HEATR5B: variants seen among roughly 807,000 people sequenced by gnomAD.
HEATR5B encodes the protein HEAT repeat-containing protein 5B.
A neutral mutation model predicts 224.1 loss-of-function variants in HEATR5B; 156 were observed. The ratio of observed to expected loss-of-function variants is 0.70; its 90% CI spans 0.61 to 0.80. The LOEUF (loss-of-function observed/expected upper bound fraction) is 0.80, where lower values mean the gene tolerates loss of function less well. HEATR5B is among the 30% of genes least tolerant of loss of function. The pLI is 0.00. For missense variants in HEATR5B, 2,323 were observed against 2,535.5 expected (o/e 0.92, Z 1.80); for synonymous variants, 1,027 against 893.0 (o/e 1.15, Z -2.68).
chr2:37,079,972 T>G (rs1183541845), intron 2 of HEATR5B, among the ~76,000 whole-genome samples: 1 of 152,024 alleles, frequency 6.6e-6, no homozygotes, highest in African/African-American at 2.4e-5. Flanking sequence ...ATAGTATGGG[T>G]GGTTACTGTT....
chr2:36,988,848 T>C lies in HEATR5B; in HGVS notation c.5709A>G (p.Lys1903=), dbSNP rs1666126567. The C allele has an allele frequency of 8.1e-6, 13 of 1,613,932 alleles. No individual in the cohort carries two copies. The highest frequency in any genetic ancestry group is 1.1e-5 in the South Asian group (1 of 91,082). The change falls in exon 35 of 36, where the codon AAA becomes AAG. Residue 1903 remains lysine, a synonymous_variant. Coordinates refer to ENST00000233099, the MANE Select transcript of HEATR5B (RefSeq NM_019024.3). ...AGACTGAGAGGAGAAGCTGGTAACA[T>C]TTGGCTTGAACCTATATAAGAAGAA... The part of the protein sequence containing the change: ...LNSCDPWVQA[K]CYQLLLSVFQ...
intron 8 of HEATR5B, 50 bp from the exon 9 acceptor site, chr2:37,065,960 T>C (rs775378517): frequency 1.3e-6 from 2 of 1,542,642 alleles, no homozygotes; most frequent in Admixed American, 1.8e-5. Flanking sequence ...AATTGTGGTA[T>C]GATTTTTTTG....
chr2:37,075,435 T>A, intron 5 of HEATR5B, 50 bp downstream of exon 5: 1 of 1,445,334 alleles, frequency 6.9e-7, no homozygotes, highest in Non-Finnish European at 9.3e-7. Flanking sequence ...GTTGACTGTT[T>A]AAGAGCAAGA....
rs1237390965 is a variant in HEATR5B, at chr2:37,064,726, G to A, written c.1584+14C>T. On this transcript the variant is annotated intron_variant, in intron 10 of 35. Transcript: ENST00000233099. Reference sequence around the variant, plus strand: ...CACGTGACAGCATTCCCAAGTCTAGGATCTCCGTCATACCTTTCCTTTGGC... The same window carrying A: ...CACGTGACAGCATTCCCAAGTCTAGAATCTCCGTCATACCTTTCCTTTGGC... 1.9e-6 allele frequency: 3 copies of A among 1,612,714 alleles called. No homozygotes were observed. The highest frequency in any genetic ancestry group is 2.2e-5 in the South Asian group (2 of 91,034).
Position 37,023,113 on chromosome 2 carries a change from G to A in HEATR5B, c.3854-2277C>T, listed in dbSNP as rs1668566241. On this transcript the variant is annotated intron_variant, in intron 24 of 35. Coordinates refer to ENST00000233099, the MANE Select transcript of HEATR5B (RefSeq NM_019024.3). ...GCACGAAAATAACTAAGGGAGAAAT[G>A]AAAGGTAGAAAAAAATCACAAAGGG... Among the ~76,000 whole-genome samples, 4 of 140,152 alleles carry A rather than the reference G, an allele frequency of 2.9e-5. No individual in the cohort carries two copies. In the South Asian group the frequency reaches 6.6e-4, roughly 23 times the overall value. 91.9% of individuals were successfully genotyped at this position (140,152 alleles called of 152,430 possible).
intron 22 of HEATR5B, among the ~76,000 whole-genome samples, chr2:37,030,486 T>A (rs1013676762): frequency 3.9e-5 from 6 of 151,972 alleles, no homozygotes; most frequent in Non-Finnish European, 7.4e-5. Context: ...TAAAAGAAAA[T>A]TAATTGGTTA....
At chr2:37,028,227 C>T in intron 23 of HEATR5B, 53 bp from the exon 24 acceptor site, 1 of 1,180,872 alleles carries the variant, frequency 8.5e-7, no homozygotes, top group Non-Finnish European at 1.1e-6. Context: ...AAAAATGATC[C>T]TTTAAAAAGT....
chr2:37,037,187 C>T (rs1202790721), intron 21 of HEATR5B, among the ~76,000 whole-genome samples: 1 of 101,814 alleles, frequency 9.8e-6, no homozygotes, highest in Non-Finnish European at 2.1e-5. Context: ...GCTCTGTCGC[C>T]CAGGCTGGAA....
intron 24 of HEATR5B, 141 bp from the exon 25 acceptor site, chr2:37,020,977 T>G (rs1335331629): frequency 1.7e-6 from 1 of 574,462 alleles, no homozygotes; most frequent in Non-Finnish European, 3.0e-6. Flanking sequence ...AGATATTATA[T>G]TCTTTCAAGA....
In HEATR5B at chr2:37,071,953, G is replaced by C. The variant is rs538688778; in HGVS notation, c.769+157C>G. Among the ~76,000 whole-genome samples, 17 of 152,090 alleles carry C rather than the reference G, an allele frequency of 1.1e-4. No individual in the cohort carries two copies. The South Asian group carries it at 3.3e-3, about 30-fold the overall frequency. On this transcript the variant is annotated intron_variant, in intron 6 of 35. Coordinates refer to ENST00000233099, the MANE Select transcript of HEATR5B (RefSeq NM_019024.3). ...CTGTCTCGGCCTCCCAGAAGTGCTG[G>C]GATTACAGGCATGAGTCACCGCGCC...
In HEATR5B at chr2:37,007,133, A is replaced by G. The variant is rs1667471990; in HGVS notation, c.4694T>C (p.Val1565Ala). 2 of 1,614,096 alleles carry G rather than the reference A, an allele frequency of 1.2e-6. No homozygotes were observed. Among genetic ancestry groups the G allele is most frequent in the African/African-American group, 1.3e-5 (1 of 75,026 alleles). The change falls in exon 29 of 36, where the codon GTC becomes GCC. Residue 1565 changes from valine (V) to alanine (A), a missense_variant. Val to Ala is a moderately conservative substitution (Grantham distance 64). This residue lies in a region of HEATR5B where 844 missense variants were observed against 812.9 expected (regional missense o/e 1.04). Coordinates refer to ENST00000233099, the MANE Select transcript of HEATR5B (RefSeq NM_019024.3). ...ISGLQKRSTS[V>A]NLNQASGAVG... Reference sequence around the variant, plus strand: ...TGCTCCTGATGCCTGGTTTAAATTGACAGATGTAGAACGTTTTTGTAAACC... The same window carrying G: ...TGCTCCTGATGCCTGGTTTAAATTGGCAGATGTAGAACGTTTTTGTAAACC...
At chr2:37,031,434 CTTTTTTTTT>C (rs35877706) in intron 22 of HEATR5B, among the ~76,000 whole-genome samples, 1 of 126,004 alleles carries the variant, frequency 7.9e-6, no homozygotes, top group Non-Finnish European at 1.8e-5. Flanking sequence ...TCTTTTCTTT[CTTTTTTTTT>C]TTTTTTTTAA....
At chr2:37,045,672 C>G (rs1010653463) in intron 18 of HEATR5B, among the ~76,000 whole-genome samples, 1 of 152,128 alleles carries the variant, frequency 6.6e-6, no homozygotes. Context: ...ATAGCTCTCT[C>G]CCTGTGCAGC....
chr2:37,036,026 T>C (rs574354784), intron 21 of HEATR5B, among the ~76,000 whole-genome samples: 2 of 152,254 alleles, frequency 1.3e-5, no homozygotes, highest in African/African-American at 4.8e-5. Context: ...AAATCCTTCA[T>C]CCTAAATATT....
chr2:37,053,325 A>G (rs770146338), intron 17 of HEATR5B, among the ~76,000 whole-genome samples, 177 bp downstream of exon 17: 27 of 152,224 alleles, frequency 1.8e-4, no homozygotes, highest in Non-Finnish European at 3.1e-4. Context: ...AATATAAAAC[A>G]TTTATTTAAC....
chr2:37,052,158 A>C (rs1044856316), intron 17 of HEATR5B, among the ~76,000 whole-genome samples: 3 of 152,148 alleles, frequency 2.0e-5, no homozygotes, highest in African/African-American at 7.2e-5. Context: ...CTACCATTTT[A>C]TTTTAAAATA....
chr2:37,024,164 C>T (rs755634434), intron 24 of HEATR5B, among the ~76,000 whole-genome samples: 1 of 152,210 alleles, frequency 6.6e-6, no homozygotes, highest in Non-Finnish European at 1.5e-5. Flanking sequence ...AAAAATACCA[C>T]ATGATCTCAC....
chr2:36,989,054 T>C (rs1368955185), intron 34 of HEATR5B, among the ~76,000 whole-genome samples, 195 bp from the exon 35 acceptor site: 1 of 152,216 alleles, frequency 6.6e-6, no homozygotes, highest in Non-Finnish European at 1.5e-5. Context: ...TATATTTTAA[T>C]GACCAAATCA....
intron 18 of HEATR5B, among the ~76,000 whole-genome samples, chr2:37,042,649 T>C (rs1031299140): frequency 5.3e-5 from 8 of 152,146 alleles, no homozygotes; most frequent in Non-Finnish European, 1.2e-4. Context: ...CCCAGCATTT[T>C]GGGAAGCCAA....
Sources: gnomAD v4.1 joint callset for allele counts (sites outside exome capture counted in the v4.1 genomes callset) on GRCh38, gnomAD v4.1.1 for gene constraint, gnomAD v4.1.1 regional missense constraint, MANE v1.5 for transcripts, NCBI Gene and HGNC (gene_info 2026-07-23, HGNC 2026-07-21) for gene names.